Variants in METTL15 observed in about 807,000 individuals in gnomAD.
METTL15 encodes the protein methyltransferase 15, mitochondrial 12S rRNA N4-cytidine, also known as 12S rRNA N(4)-cytidine methyltransferase METTL15.
A neutral mutation model predicts 38.3 loss-of-function variants in METTL15; 34 were observed. That is an observed-to-expected ratio of 0.89 (90% confidence interval 0.68 to 1.18). The LOEUF is 1.18. Among genes scored for constraint, METTL15 ranks in the 50% most tolerant of loss-of-function variants. The pLI is 0.00. For synonymous variants in METTL15, 162 were observed against 170.9 expected (o/e 0.95, Z 0.41); for missense variants, 438 against 498.4 (o/e 0.88, Z 1.15).
At chr11:28,400,773 TG>T (rs992249978) in intron 5 of METTL15, among the ~76,000 whole-genome samples, 3 of 151,914 alleles carry the variant, frequency 2.0e-5, no homozygotes, top group African/African-American at 7.2e-5. Context: ...TAAATTTAGA[TG>T]GGTCTCATAA....
At chr11:28,419,155 C>T (rs543152331) in intron 5 of METTL15, among the ~76,000 whole-genome samples, 7 of 152,220 alleles carry the variant, frequency 4.6e-5, no homozygotes, top group Non-Finnish European at 1.0e-4. Flanking sequence ...AGGCAATAGC[C>T]AAGTAGTGAT....
At chr11:28,400,772 A>G (rs1444444119) in intron 5 of METTL15, among the ~76,000 whole-genome samples, 1 of 151,940 alleles carries the variant, frequency 6.6e-6, no homozygotes, top group East Asian at 1.9e-4. Flanking sequence ...CTAAATTTAG[A>G]TGGGTCTCAT....
At chr11:28,376,572 A>T (rs1039387199) in intron 5 of METTL15, among the ~76,000 whole-genome samples, 1 of 152,084 alleles carries the variant, frequency 6.6e-6, no homozygotes, top group South Asian at 2.1e-4. Context: ...TGCACGTGAG[A>T]TGGGTTTCCT....
chr11:28,219,760 T>G (rs968542222), intron 4 of METTL15, among the ~76,000 whole-genome samples: 11 of 152,242 alleles, frequency 7.2e-5, no homozygotes, highest in South Asian at 6.2e-4. Flanking sequence ...GGTATGTTGT[T>G]TCTTTGTTCT....
intron 4 of METTL15, among the ~76,000 whole-genome samples, chr11:28,282,761 C>T (rs530662584): frequency 1.3e-5 from 2 of 152,298 alleles, no homozygotes; most frequent in South Asian, 4.1e-4. Flanking sequence ...CATTCATCAT[C>T]TTTACCCCAA....
intron 5 of METTL15, among the ~76,000 whole-genome samples, chr11:28,391,719 A>T (rs1162066643): frequency 6.6e-6 from 1 of 152,162 alleles, no homozygotes; most frequent in Non-Finnish European, 1.5e-5. Flanking sequence ...TGGGGAAAGG[A>T]TTCCCTATTT....
chr11:28,434,830 G>A (rs1850967010), intron 6 of METTL15, among the ~76,000 whole-genome samples: 1 of 152,170 alleles, frequency 6.6e-6, no homozygotes, highest in Non-Finnish European at 1.5e-5. Flanking sequence ...TATAGGTTCA[G>A]CTAGAACAAC....
intron 3 of METTL15, among the ~76,000 whole-genome samples, chr11:28,341,457 T>A (rs536232632): frequency 6.6e-6 from 1 of 152,210 alleles, no homozygotes; most frequent in Non-Finnish European, 1.5e-5. Flanking sequence ...TTAAAATGTT[T>A]GTAATGAATG....
At chr11:28,138,023 G>T (rs1488930609) in intron 3 of METTL15, among the ~76,000 whole-genome samples, 1 of 152,080 alleles carries the variant, frequency 6.6e-6, no homozygotes. Flanking sequence ...AGTTTCTAGG[G>T]ACCAGTAAAC....
intron 5 of METTL15, among the ~76,000 whole-genome samples, chr11:28,385,928 A>G (rs956410167): frequency 4.6e-5 from 7 of 152,164 alleles, no homozygotes; most frequent in African/African-American, 1.7e-4. Flanking sequence ...CATAACAAAT[A>G]GCTGTAATTG....
intron 6 of METTL15, among the ~76,000 whole-genome samples, chr11:28,509,227 T>C (rs1355184364): frequency 6.6e-6 from 1 of 152,208 alleles, no homozygotes; most frequent in Non-Finnish European, 1.5e-5. Context: ...ATAAATCCCT[T>C]GGAGCTGGAG....
chr11:28,462,017 G>T (rs928671672), intron 6 of METTL15, among the ~76,000 whole-genome samples: 1 of 57,362 alleles, frequency 1.7e-5, no homozygotes, highest in African/African-American at 3.6e-5. Context: ...TTGCCCGGGT[G>T]CCCTTGAGGA....
chr11:28,431,812 A>G (rs1468497424), intron 6 of METTL15, among the ~76,000 whole-genome samples: 1 of 143,086 alleles, frequency 7.0e-6, no homozygotes, highest in African/African-American at 2.6e-5. Context: ...AAAAAAGAAA[A>G]AAAAAAAAAA....
rs572000903 is a variant in METTL15, at chr11:28,287,290, G to A, written c.408-2916G>A. The A allele has an allele frequency of 1.5e-3, 318 of 209,292 alleles. 1 individual carries two copies. Among genetic ancestry groups the A allele is most frequent in the African/African-American group, 5.9e-3 (250 of 42,136 alleles). 13.0% of individuals were successfully genotyped at this position (209,292 alleles called of 1,614,324 possible). A position where few individuals can be genotyped will look rare whatever the true frequency, so the allele number is the denominator to read the frequency against. ...GTGTGTTTTCTTCTTGCATCTTCGT[G>A]GTCCATGAGGCCGGCTGAGGTTGTC... is the stretch of plus-strand genomic sequence containing the variant. On this transcript the variant is annotated intron_variant, in intron 4 of 6. Coordinates refer to ENST00000407364, the MANE Select transcript of METTL15 (RefSeq NM_001113528.2).
intron 6 of METTL15, among the ~76,000 whole-genome samples, chr11:28,513,359 C>T (rs915876970): frequency 2.6e-5 from 4 of 152,144 alleles, no homozygotes; most frequent in African/African-American, 7.2e-5. Flanking sequence ...CCGGCTGCAA[C>T]GTCTTAGGAA....
intron 6 of METTL15, among the ~76,000 whole-genome samples, chr11:28,312,341 TAAAAA>T (rs1411345624): frequency 6.6e-6 from 1 of 152,174 alleles, no homozygotes; most frequent in Non-Finnish European, 1.5e-5. Context: ...ATTTGCTTCC[TAAAAA>T]GAAGAAAAAA....
At chr11:28,514,417 T>C (rs1376900519) in intron 6 of METTL15, among the ~76,000 whole-genome samples, 7 of 152,168 alleles carry the variant, frequency 4.6e-5, no homozygotes, top group African/African-American at 1.4e-4. Context: ...TATAGGAGGA[T>C]AGAGAAAAGA....
At chr11:28,496,369 T>A (rs1010154636) in intron 6 of METTL15, among the ~76,000 whole-genome samples, 1 of 152,250 alleles carries the variant, frequency 6.6e-6, no homozygotes, top group African/African-American at 2.4e-5. Flanking sequence ...TACCTCCATG[T>A]GGCCCCGCCC....
In METTL15 at chr11:28,280,667, CTT is replaced by C. The variant is rs61571700; in HGVS notation, c.408-9525_408-9524del. Among the ~76,000 whole-genome samples, 142 of 135,292 alleles carry C rather than the reference CTT, an allele frequency of 1.0e-3. 1 individual carries two copies. Among genetic ancestry groups the C allele is most frequent in the African/African-American group, 2.8e-3 (102 of 36,272 alleles). The allele number at this position is 135,292 out of a possible 152,430, so 88.8% of individuals were successfully genotyped here. On this transcript the variant is annotated intron_variant, in intron 4 of 6. Coordinates refer to ENST00000407364, the MANE Select transcript of METTL15 (RefSeq NM_001113528.2). ...AGGTTTTCTCACCATGTCTCTTATG[CTT>C]TTTTTTTTTTTTTGTATCTTCCAAA...
Sources: gnomAD v4.1 joint callset for allele counts (sites outside exome capture counted in the v4.1 genomes callset) on GRCh38, gnomAD v4.1.1 for gene constraint, MANE v1.5 for transcripts, NCBI Gene and HGNC (gene_info 2026-07-23, HGNC 2026-07-21) for gene names.